RBM42: variants seen among roughly 807,000 people sequenced by gnomAD.
The protein encoded by RBM42 is RNA binding motif protein 42.
RBM42 carries 21 observed loss-of-function variants against 41.4 expected under a neutral mutation model. The observed-to-expected ratio is 0.51, with a 90% CI of 0.36 to 0.73. RBM42 has a LOEUF of 0.73. Among genes scored for constraint, RBM42 ranks in the 30% least tolerant of loss-of-function variants. RBM42 has a pLI of 0.00. For missense variants in RBM42, 539 were observed against 680.4 expected, an observed-to-expected ratio of 0.79 and a Z score of 2.31; for synonymous variants, 272 against 271.2, an observed-to-expected ratio of 1.00 and a Z score of -0.03.
intron 2 of RBM42, among the ~76,000 whole-genome samples, chr19:35,630,630 T>C (rs1209787993): frequency 6.6e-6 from 1 of 151,686 alleles, no homozygotes; most frequent in Admixed American, 6.6e-5. Flanking sequence ...GGCGGGCGTG[T>C]CGGCGGGCGC....
At chr19:35,630,460 C>T (rs1406192717) in intron 2 of RBM42, among the ~76,000 whole-genome samples, 2 of 151,688 alleles carry the variant, frequency 1.3e-5, no homozygotes, top group African/African-American at 2.4e-5. Flanking sequence ...CTTGTAGAGC[C>T]TTATGGCCAT....
rs767660757 is a variant in RBM42, at chr19:35,633,782, G to A, written c.780G>A (p.Glu260=). ...EAVVAAAAGL[E]EASAAVAVGA... ...TGGTGGCGGCGGCGGCTGGGCTGGA[G>A]GAGGCTAGCGCGGCTGTGGCCGTGG... The change falls in exon 7 of 10, where the codon GAG becomes GAA. Residue 260 remains glutamate, a synonymous_variant. Coordinates refer to ENST00000262633, the MANE Select transcript of RBM42 (RefSeq NM_024321.5). 2.4e-5 allele frequency: 36 copies of A among 1,496,484 alleles called. No homozygotes were observed. In the African/African-American group the frequency reaches 4.0e-4, roughly 17 times the overall value. 92.7% of individuals were successfully genotyped at this position (1,496,484 alleles called of 1,614,324 possible).
chr19:35,629,113 A>G lies in RBM42; in HGVS notation c.-41A>G, dbSNP rs1420631224. The G allele has an allele frequency of 1.3e-6, 2 of 1,492,786 alleles. No homozygotes were observed. Among genetic ancestry groups the G allele is most frequent in the South Asian group, 2.5e-5 (2 of 79,204 alleles). 92.5% of individuals were successfully genotyped at this position (1,492,786 alleles called of 1,614,324 possible). A position where few individuals can be genotyped will look rare whatever the true frequency, so the allele number is the denominator to read the frequency against. ...GACAGCAGAACCAGCGGCGGCGGCT[A>G]AGCAGAGACTGTAGTAGCGGCGACA... On this transcript the variant is annotated 5_prime_UTR_variant, in exon 1 of 10. Coordinates refer to ENST00000262633, the MANE Select transcript of RBM42 (RefSeq NM_024321.5).
rs932117898 is a variant in RBM42, at chr19:35,629,466, A to G, written c.129-54A>G. 4.4e-6 allele frequency: 7 copies of G among 1,604,034 alleles called. No homozygotes were observed. In the African/African-American group the frequency reaches 8.0e-5, roughly 18 times the overall value. On this transcript the variant is annotated intron_variant, in intron 1 of 9. Transcript: ENST00000262633. Reference sequence around the variant, plus strand: ...GAGGGTCCCCTCGCGATATACCCACAGTTCCAAAATTGGTACGAGGTCCTG... The same window carrying G: ...GAGGGTCCCCTCGCGATATACCCACGGTTCCAAAATTGGTACGAGGTCCTG...
intron 4 of RBM42, 53 bp downstream of exon 4, chr19:35,631,458 G>T: frequency 6.5e-7 from 1 of 1,527,928 alleles, no homozygotes; most frequent in South Asian, 1.1e-5. Context: ...TTGTTTACAT[G>T]ACTTCAGCCT....
At position 35,637,160 on chromosome 19, in the gene RBM42, G is replaced by T; in HGVS notation, c.1138G>T (p.Asp380Tyr). 1.2e-6 allele frequency: 2 copies of T among 1,612,312 alleles called. No individual in the cohort carries two copies. Among genetic ancestry groups the T allele is most frequent in the South Asian group, 2.2e-5 (2 of 90,684 alleles). ...TGTCATCTCTTCCCCATCCCCAGATGACTTCCGGATCTTCTGTGGGGATCT... is the reference window on the plus strand; with the variant it reads ...TGTCATCTCTTCCCCATCCCCAGATTACTTCCGGATCTTCTGTGGGGATCT... ...DPSLLEWDADDFRIFCGDLGN... is the reference protein window; with the variant it reads ...DPSLLEWDADYFRIFCGDLGN... The change falls in exon 9 of 10, where the codon GAC (aspartate) becomes TAC (tyrosine). Residue 380 changes from aspartate (D) to tyrosine (Y), a missense_variant and splice_region_variant. This residue lies in a region of RBM42 where 110 missense variants were observed against 191.5 expected (regional missense o/e 0.57). Coordinates refer to ENST00000262633, the MANE Select transcript of RBM42 (RefSeq NM_024321.5). The surrounding 1 kb of genome is among the most constrained non-coding windows in gnomAD (Gnocchi z 7.0).
rs1342967890 is a variant in RBM42 at position 35,633,168 on chromosome 19, C to T, written c.600C>T (p.Pro200=). 3 of 1,610,072 alleles carry T rather than the reference C, an allele frequency of 1.9e-6. No homozygotes were observed. Among genetic ancestry groups the T allele is most frequent in the Admixed American group, 1.7e-5 (1 of 59,954 alleles). Residue 200 remains proline, a synonymous_variant, in exon 6 of 10, where the codon CCC becomes CCT. Transcript: ENST00000262633. ...TCGTGGGCCCCCCTCTGCCTGGGCC[C>T]CCTGGACCACCCATGATGCTGCCAC... The part of the protein sequence containing the change: ...QALVGPPLPG[P]PGPPMMLPPM...
Position 35,633,819 on chromosome 19 carries a change from G to T in RBM42, c.817G>T (p.Ala273Ser). ...SAAVAVGAGGAPAGPAVIGPS... is the reference protein window; with the variant it reads ...SAAVAVGAGGSPAGPAVIGPS... ...GGCTGTGGCCGTGGGGGCAGGAGGTGCCCCAGCTGGCCCTGCAGTCATTGG... is the reference window on the plus strand; with the variant it reads ...GGCTGTGGCCGTGGGGGCAGGAGGTTCCCCAGCTGGCCCTGCAGTCATTGG... Residue 273 changes from alanine (A) to serine (S), a missense_variant, in exon 7 of 10, where the codon GCC becomes TCC. By Grantham distance (99) the Ala-to-Ser change is moderately conservative. Transcript: ENST00000262633. The T allele has an allele frequency of 6.6e-7, 1 of 1,513,262 alleles. No individual in the cohort carries two copies. Among genetic ancestry groups the T allele is most frequent in the African/African-American group, 1.4e-5 (1 of 71,072 alleles). 93.7% of individuals were successfully genotyped at this position (1,513,262 alleles called of 1,614,324 possible).
At chr19:35,629,317 C>T (rs1034279236) in intron 1 of RBM42, 36 bp downstream of exon 1, 2 of 1,488,960 alleles carry the variant, frequency 1.3e-6, no homozygotes, top group East Asian at 5.0e-5. Flanking sequence ...AAAGTCGTCC[C>T]AGAGCCAGAG....
chr19:35,629,472 A>G (rs768409676), intron 1 of RBM42, 48 bp from the exon 2 acceptor site: 1 of 1,606,950 alleles, frequency 6.2e-7, no homozygotes, highest in Non-Finnish European at 8.5e-7. Context: ...CCACAGTTCC[A>G]AAATTGGTAC....
At position 35,633,825 on chromosome 19, in the gene RBM42, G is replaced by A; in HGVS notation, c.823G>A (p.Ala275Thr). Reference protein sequence around the residue: ...AVAVGAGGAPAGPAVIGPSLP... With the variant: ...AVAVGAGGAPTGPAVIGPSLP... ...GGCCGTGGGGGCAGGAGGTGCCCCA[G>A]CTGGCCCTGCAGTCATTGGGCCCAG... Residue 275 changes from alanine to threonine, a missense_variant, in exon 7 of 10, where the codon GCT (alanine) becomes ACT (threonine). Ala to Thr is a moderately conservative substitution (Grantham distance 58). Transcript: ENST00000262633. The A allele has an allele frequency of 1.3e-6, 2 of 1,525,572 alleles. No homozygotes were observed. The highest frequency in any genetic ancestry group is 1.8e-6 in the Non-Finnish European group (2 of 1,141,942). The allele number at this position is 1,525,572 out of a possible 1,614,324, so 94.5% of individuals were successfully genotyped here. A position where few individuals can be genotyped will look rare whatever the true frequency, so the allele number is the denominator to read the frequency against.
intron 4 of RBM42, among the ~76,000 whole-genome samples, chr19:35,632,481 C>T (rs961153101): frequency 5.9e-5 from 9 of 152,250 alleles, no homozygotes; most frequent in Non-Finnish European, 8.8e-5. Context: ...TCACCCCTTG[C>T]CTAACACTTC....
Position 35,633,813 on chromosome 19 carries a change from G to A in RBM42, c.811G>A (p.Gly271Arg). ...TAGCGCGGCTGTGGCCGTGGGGGCA[G>A]GAGGTGCCCCAGCTGGCCCTGCAGT... ...EASAAVAVGA[G>R]GAPAGPAVIG... is the part of the protein sequence containing the mutation. The change falls in exon 7 of 10, where the codon GGA becomes AGA. Residue 271 changes from glycine (G) to arginine (R), a missense_variant. Coordinates refer to ENST00000262633, the MANE Select transcript of RBM42 (RefSeq NM_024321.5). 2 of 1,510,608 alleles carry A rather than the reference G, an allele frequency of 1.3e-6. No individual in the cohort carries two copies. Among genetic ancestry groups the A allele is most frequent in the Non-Finnish European group, 1.8e-6 (2 of 1,135,942 alleles). 93.6% of individuals were successfully genotyped at this position (1,510,608 alleles called of 1,614,324 possible). A position where few individuals can be genotyped will look rare whatever the true frequency, so the allele number is the denominator to read the frequency against.
Position 35,634,162 on chromosome 19 carries a change from C to T in RBM42, c.1018-94C>T, listed in dbSNP as rs373064112. ...TGTGCCCCACATCCAGAAGCACATC[C>T]AGCCCTTACTGTGGTGGCAGGAGGG... is the stretch of plus-strand genomic sequence containing the variant. On this transcript the variant is annotated intron_variant, in intron 7 of 9. Coordinates refer to ENST00000262633, the MANE Select transcript of RBM42 (RefSeq NM_024321.5). The T allele has an allele frequency of 7.1e-6, 11 of 1,558,506 alleles. No individual in the cohort carries two copies. In the African/African-American group the frequency reaches 8.1e-5, roughly 12 times the overall value.
chr19:35,631,162 G>A lies in RBM42; in HGVS notation c.305G>A (p.Arg102Gln). The change falls in exon 3 of 10, where the codon CGA (arginine) becomes CAA (glutamine). Residue 102 changes from arginine (R) to glutamine (Q), a missense_variant. This residue lies in a region of RBM42 where 429 missense variants were observed against 488.9 expected (regional missense o/e 0.88). Transcript: ENST00000262633. The part of the protein sequence containing the change: ...YQQVQQTLEA[R>Q]AAAAATVVPP... ...CAGGTCCAGCAGACTCTGGAGGCCC[G>A]AGCAGCTGCTGCAGCCACAGTAGTT... 3.7e-6 allele frequency: 6 copies of A among 1,614,098 alleles called. No homozygotes were observed. Among genetic ancestry groups the A allele is most frequent in the Non-Finnish European group, 5.1e-6 (6 of 1,180,030 alleles).
chr19:35,631,379 G>A lies in RBM42; in HGVS notation c.416G>A (p.Arg139Gln), dbSNP rs756353847. ...AGTCACCTGGACAGCCCAGAGGCTC[G>A]AGAAGCCATGTTCCTGCGGCGGGCA... is the stretch of plus-strand genomic sequence containing the variant. ...DRSHLDSPEA[R>Q]EAMFLRRAAV... Residue 139 changes from arginine to glutamine, a missense_variant, in exon 4 of 10, where the codon CGA (arginine) becomes CAA (glutamine). Around this residue, in one of 2 missense-constraint regions of RBM42, gnomAD observed 429 missense variants for 488.9 expected, o/e 0.88. Transcript: ENST00000262633. The A allele has an allele frequency of 8.4e-5, 136 of 1,614,092 alleles. No individual in the cohort carries two copies. Among genetic ancestry groups the A allele is most frequent in the Non-Finnish European group, 1.0e-4 (123 of 1,180,044 alleles).
At chr19:35,632,485 A>G (rs1391680429) in intron 4 of RBM42, among the ~76,000 whole-genome samples, 1 of 152,178 alleles carries the variant, frequency 6.6e-6, no homozygotes, top group East Asian at 1.9e-4. Context: ...CCCTTGCCTA[A>G]CACTTCATTG....
intron 8 of RBM42, among the ~76,000 whole-genome samples, chr19:35,635,534 T>TC (rs1967482550): frequency 1.3e-5 from 2 of 151,298 alleles, no homozygotes; most frequent in East Asian, 3.9e-4. Flanking sequence ...TTTTTTTTTT[T>TC]TGAAACGGAG....
At position 35,632,982 on chromosome 19, in the gene RBM42, C is replaced by T; in HGVS notation, c.489C>T (p.Pro163=). The T allele has an allele frequency of 6.2e-7, 1 of 1,609,814 alleles. No homozygotes were observed. The highest frequency in any genetic ancestry group is 1.7e-4 in the Middle Eastern group (1 of 6,028). The change falls in exon 5 of 10, where the codon CCC becomes CCT. Residue 163 remains proline (P), a synonymous_variant. Transcript: ENST00000262633. The part of the protein sequence containing the change: ...RAPILRPAFV[P]HVLQRADSAL... ...CTATCCTGCGTCCAGCCTTCGTCCC[C>T]CACGTGCTACAGAGAGCAGGTGAGG...
Sources: allele counts gnomAD v4.1 joint callset (sites outside exome capture counted in the v4.1 genomes callset), GRCh38; gene constraint gnomAD v4.1.1; regional missense constraint gnomAD v4.1.1; non-coding constraint Gnocchi (gnomAD v3.1); transcripts MANE v1.5; gene names NCBI Gene and HGNC (gene_info 2026-07-23, HGNC 2026-07-21).